Variants in FOXP2 observed in about 807,000 individuals in gnomAD.
FOXP2 encodes the protein forkhead box protein P2.
Under a neutral mutation model 115.8 loss-of-function variants are expected in FOXP2, and 12 were observed. That is an observed-to-expected ratio of 0.10 (90% CI 0.07 to 0.17). The LOEUF is 0.17. Among genes scored for constraint, FOXP2 ranks in the 10% least tolerant of loss-of-function variants. The pLI is 1.00. For missense variants in FOXP2, 629 were observed against 843.5 expected (o/e 0.75, Z 3.15); for synonymous variants, 328 against 297.7 (o/e 1.10, Z -1.05).
chr7:114,270,305 G>A (rs1407713766), intron 1 of FOXP2, among the ~76,000 whole-genome samples: 2 of 152,030 alleles, frequency 1.3e-5, no homozygotes, highest in Admixed American at 1.3e-4. Context: ...CTTCTGTTTG[G>A]ACTGAAATTT....
At chr7:114,454,089 A>G (rs1246101393) in intron 2 of FOXP2, among the ~76,000 whole-genome samples, 11 of 150,094 alleles carry the variant, frequency 7.3e-5, no homozygotes, top group Admixed American at 1.3e-4. Flanking sequence ...GCAACCTACA[A>G]AATGGGAGAA....
chr7:114,352,033 C>T (rs1024074042), intron 2 of FOXP2, among the ~76,000 whole-genome samples: 1 of 151,684 alleles, frequency 6.6e-6, no homozygotes, highest in Non-Finnish European at 1.5e-5. Flanking sequence ...TTTGGGAGGC[C>T]GAGTCAGATG....
At chr7:114,168,930 T>C (rs1387234151) in intron 1 of FOXP2, among the ~76,000 whole-genome samples, 1 of 151,888 alleles carries the variant, frequency 6.6e-6, no homozygotes, top group African/African-American at 2.4e-5. Context: ...CTTCCGAGGG[T>C]TCAAGCCTCA....
At chr7:114,151,749 T>C (rs1792533772) in intron 1 of FOXP2, among the ~76,000 whole-genome samples, 1 of 152,136 alleles carries the variant, frequency 6.6e-6, no homozygotes, top group African/African-American at 2.4e-5. Flanking sequence ...AGGTTTGTGA[T>C]TGTAACATCT....
At chr7:114,260,355 C>T (rs543248915) in intron 1 of FOXP2, among the ~76,000 whole-genome samples, 1 of 152,148 alleles carries the variant, frequency 6.6e-6, no homozygotes, top group South Asian at 2.1e-4. Context: ...GACATTAGCT[C>T]AGCAAATAGT....
chr7:114,529,309 A>G (rs938634586), intron 2 of FOXP2, among the ~76,000 whole-genome samples: 1 of 151,842 alleles, frequency 6.6e-6, no homozygotes, highest in Non-Finnish European at 1.5e-5. Context: ...AATATACTGA[A>G]TATTGGGTTT....
At chr7:114,675,612 C>T (rs529750775) in intron 16 of FOXP2, among the ~76,000 whole-genome samples, 2 of 152,200 alleles carry the variant, frequency 1.3e-5, no homozygotes, top group Middle Eastern at 6.8e-3. Flanking sequence ...ATTTTGAATG[C>T]TTAGATACAA....
chr7:114,129,960 A>G (rs930735880), intron 1 of FOXP2, among the ~76,000 whole-genome samples: 2 of 152,250 alleles, frequency 1.3e-5, no homozygotes, highest in Admixed American at 1.3e-4. Flanking sequence ...TCACTAAAAC[A>G]TCACAAAATA....
At chr7:114,548,742 T>C (rs947478129) in intron 3 of FOXP2, among the ~76,000 whole-genome samples, 6 of 152,192 alleles carry the variant, frequency 3.9e-5, no homozygotes, top group Admixed American at 2.6e-4. Context: ...CTCCAGGAAG[T>C]TACTGCTGAA....
At chr7:114,201,552 A>G (rs1185694310) in intron 1 of FOXP2, among the ~76,000 whole-genome samples, 1 of 152,168 alleles carries the variant, frequency 6.6e-6, no homozygotes, top group Non-Finnish European at 1.5e-5. Flanking sequence ...CATTTTACTG[A>G]TATATTTTTG....
At chr7:114,528,164 T>C (rs1260728362) in intron 2 of FOXP2, among the ~76,000 whole-genome samples, 1 of 152,074 alleles carries the variant, frequency 6.6e-6, no homozygotes, top group Non-Finnish European at 1.5e-5. Flanking sequence ...GTATGCTCTA[T>C]CCAAGATCAA....
intron 2 of FOXP2, among the ~76,000 whole-genome samples, chr7:114,441,814 C>G (rs1387712674): frequency 6.6e-6 from 1 of 152,186 alleles, no homozygotes; most frequent in South Asian, 2.1e-4. Flanking sequence ...TGAGATACTA[C>G]TTTATACTTA....
In FOXP2 at chr7:114,691,203, T is replaced by A; in HGVS notation, c.*1277T>A. 1 of 454,084 alleles carries A rather than the reference T, an allele frequency of 2.2e-6. No individual in the cohort carries two copies. Among genetic ancestry groups the A allele is most frequent in the Non-Finnish European group, 4.4e-6 (1 of 226,764 alleles). 28.1% of individuals were successfully genotyped at this position (454,084 alleles called of 1,614,324 possible). A position where few individuals can be genotyped will look rare whatever the true frequency, so the allele number is the denominator to read the frequency against. On this transcript the variant is annotated 3_prime_UTR_variant, in exon 17 of 17. Coordinates refer to ENST00000350908, the MANE Select transcript of FOXP2 (RefSeq NM_014491.4). The stretch of plus-strand genomic sequence containing the variant: ...ATTTTCAGTGGTGAATACATGTTGT[T>A]AGAAGATGTCTTGTATGGTCTTAAT...
chr7:114,587,239 C>G (rs1046875972), intron 3 of FOXP2, among the ~76,000 whole-genome samples: 1 of 151,954 alleles, frequency 6.6e-6, no homozygotes, highest in South Asian at 2.1e-4. Flanking sequence ...CTCCCCACCC[C>G]CTAACAGGCC....
intron 2 of FOXP2, among the ~76,000 whole-genome samples, chr7:114,317,559 C>A (rs1797303769): frequency 6.6e-6 from 1 of 152,156 alleles, no homozygotes; most frequent in Non-Finnish European, 1.5e-5. Flanking sequence ...GCCACCATCA[C>A]CTCCTGCCTA....
intron 2 of FOXP2, among the ~76,000 whole-genome samples, chr7:114,449,076 C>T (rs1794959937): frequency 6.6e-6 from 1 of 151,962 alleles, no homozygotes. Flanking sequence ...ATAGTATTGT[C>T]CCCACAGCAT....
chr7:114,642,799 T>C (rs1805625371), intron 7 of FOXP2, among the ~76,000 whole-genome samples, 176 bp downstream of exon 7: 2 of 57,418 alleles, frequency 3.5e-5, no homozygotes, highest in African/African-American at 1.1e-4. Context: ...TATATATATA[T>C]ATATATATAT....
intron 2 of FOXP2, among the ~76,000 whole-genome samples, chr7:114,465,449 GTGAT>G (rs573480277): frequency 6.6e-6 from 1 of 152,168 alleles, no homozygotes; most frequent in Non-Finnish European, 1.5e-5. Flanking sequence ...ACTTATTAGA[GTGAT>G]TAGAGCCCAT....
intron 3 of FOXP2, among the ~76,000 whole-genome samples, chr7:114,601,259 C>A (rs1371099681): frequency 6.6e-6 from 1 of 152,276 alleles, no homozygotes; most frequent in East Asian, 1.9e-4. Flanking sequence ...AGCCACCACA[C>A]TTGGCCTCTT....
Sources: gnomAD v4.1 joint callset for allele counts (sites outside exome capture counted in the v4.1 genomes callset) on GRCh38, gnomAD v4.1.1 for gene constraint, MANE v1.5 for transcripts, NCBI Gene and HGNC (gene_info 2026-07-23, HGNC 2026-07-21) for gene names.